Variants in ADGRG6 observed in about 807,000 individuals in gnomAD.
The protein encoded by ADGRG6 is adhesion G protein-coupled receptor G6, also known as G-protein coupled receptor 126.
A neutral mutation model predicts 142.4 loss-of-function variants in ADGRG6; 84 were observed. That is an observed-to-expected ratio of 0.59 (90% CI 0.49 to 0.71). The LOEUF is 0.71. Among genes scored for constraint, ADGRG6 ranks in the 30% least tolerant of loss-of-function variants. The pLI, the probability that ADGRG6 is intolerant of heterozygous loss-of-function variation, is 0.00. For missense variants in ADGRG6, 1,367 were observed against 1,466.6 expected, an observed-to-expected ratio of 0.93 and a Z score of 1.11; for synonymous variants, 521 against 520.5, an observed-to-expected ratio of 1.00 and a Z score of -0.01.
intron 13 of ADGRG6, 90 bp downstream of exon 13, chr6:142,402,920 T>A: frequency 2.9e-6 from 2 of 678,220 alleles, no homozygotes; most frequent in South Asian, 4.3e-5. Flanking sequence ...GTGCCCAGAT[T>A]TCAGAATTCA....
At position 142,328,001 on chromosome 6, in the gene ADGRG6, C is replaced by T. The variant is rs74857746; in HGVS notation, c.103+18357C>T. Among the ~76,000 whole-genome samples the T allele has an allele frequency of 5.4e-3, 814 of 151,992 alleles. 11 individuals are homozygous for T. The highest frequency in any genetic ancestry group is 0.018 in the African/African-American group (743 of 41,438). On this transcript the variant is annotated intron_variant, in intron 2 of 24. Coordinates refer to ENST00000367609, the MANE Select transcript of ADGRG6 (RefSeq NM_198569.3). ...AAAGGCAAAAGAATTATTTTTCCTA[C>T]GTTACAGATAAGGAGACCAAAGTTA...
intron 4 of ADGRG6, among the ~76,000 whole-genome samples, chr6:142,376,033 ATACT>A (rs1167387245): frequency 2.0e-5 from 3 of 152,182 alleles, no homozygotes; most frequent in Non-Finnish European, 4.4e-5. Flanking sequence ...AAACCTGTCA[ATACT>A]TTTAAAAACG....
At chr6:142,338,059 C>T (rs1372166782) in intron 2 of ADGRG6, among the ~76,000 whole-genome samples, 2 of 28,726 alleles carry the variant, frequency 7.0e-5, no homozygotes, top group East Asian at 1.3e-3. Flanking sequence ...CTCGCTCTGT[C>T]ACCCAGGCTG....
chr6:142,397,024 C>T (rs1167449807), intron 9 of ADGRG6, among the ~76,000 whole-genome samples: 3 of 151,918 alleles, frequency 2.0e-5, no homozygotes, highest in Non-Finnish European at 2.9e-5. Flanking sequence ...ATCACAGAGT[C>T]GATTTTAAGT....
At chr6:142,374,900 TATC>T (rs1396517659) in intron 4 of ADGRG6, among the ~76,000 whole-genome samples, 8 of 152,236 alleles carry the variant, frequency 5.3e-5, no homozygotes, top group South Asian at 4.1e-4. Context: ...CTCATATACT[TATC>T]ATTTTATTTG....
chr6:142,322,664 G>A (rs1386108213), intron 2 of ADGRG6, among the ~76,000 whole-genome samples: 1 of 152,066 alleles, frequency 6.6e-6, no homozygotes, highest in Admixed American at 6.6e-5. Flanking sequence ...CCTTGTGCAA[G>A]ACTTACTGAT....
At chr6:142,402,892 C>T in intron 13 of ADGRG6, 62 bp downstream of exon 13, 1 of 852,428 alleles carries the variant, frequency 1.2e-6, no homozygotes, top group Non-Finnish European at 1.8e-6. Context: ...CATGATTTCT[C>T]ACCTATCTGA....
chr6:142,370,231 A>G lies in ADGRG6; in HGVS notation c.507A>G (p.Val169=). 2 of 1,610,818 alleles carry G rather than the reference A, an allele frequency of 1.2e-6. No homozygotes were observed. The change falls in exon 4 of 25, where the codon GTA becomes GTG. Residue 169 remains valine, a synonymous_variant. Coordinates refer to ENST00000367609, the MANE Select transcript of ADGRG6 (RefSeq NM_198569.3). The part of the protein sequence containing the change: ...ILPQTSDAYQ[V]SVAKSISIPE... ...CCCAGACATCAGATGCTTACCAGGTATCTGTTGCAAAAAGCATCTCTATTC... is the reference window on the plus strand; with the variant it reads ...CCCAGACATCAGATGCTTACCAGGTGTCTGTTGCAAAAAGCATCTCTATTC...
intron 2 of ADGRG6, among the ~76,000 whole-genome samples, chr6:142,344,372 T>C (rs763461305): frequency 6.6e-6 from 1 of 151,964 alleles, no homozygotes; most frequent in Non-Finnish European, 1.5e-5. Flanking sequence ...GTATTTGACA[T>C]GAGTTGTAGC....
intron 1 of ADGRG6, among the ~76,000 whole-genome samples, chr6:142,303,956 G>A (rs1336710760): frequency 6.6e-6 from 1 of 151,962 alleles, no homozygotes; most frequent in Non-Finnish European, 1.5e-5. Context: ...TAGAAAATAG[G>A]GCTTGATACC....
At chr6:142,383,540 C>G (rs1781873795) in intron 5 of ADGRG6, among the ~76,000 whole-genome samples, 1 of 152,074 alleles carries the variant, frequency 6.6e-6, no homozygotes, top group Non-Finnish European at 1.5e-5. Context: ...TTGCTCCAGA[C>G]CCTTGTGTAT....
chr6:142,328,927 A>G (rs1778909994), intron 2 of ADGRG6, among the ~76,000 whole-genome samples: 1 of 152,172 alleles, frequency 6.6e-6, no homozygotes, highest in Non-Finnish European at 1.5e-5. Context: ...AGCATTTATA[A>G]TATTTTTCTT....
chr6:142,366,404 A>G (rs970020798), intron 2 of ADGRG6, among the ~76,000 whole-genome samples: 1 of 152,152 alleles, frequency 6.6e-6, no homozygotes. Context: ...CTGCGGTGCT[A>G]TACTCTAGCA....
intron 2 of ADGRG6, among the ~76,000 whole-genome samples, chr6:142,325,961 AAAAC>A (rs1183692079): frequency 6.6e-6 from 1 of 152,066 alleles, no homozygotes; most frequent in Non-Finnish European, 1.5e-5. Flanking sequence ...AGGTAGAAAA[AAAAC>A]CCACCTAAAA....
At chr6:142,330,930 T>C (rs917214015) in intron 2 of ADGRG6, among the ~76,000 whole-genome samples, 4 of 152,076 alleles carry the variant, frequency 2.6e-5, no homozygotes, top group Non-Finnish European at 4.4e-5. Flanking sequence ...TCAGAATTGT[T>C]TCTTTAAAAA....
intron 2 of ADGRG6, among the ~76,000 whole-genome samples, chr6:142,327,307 G>C (rs1000924155): frequency 6.6e-6 from 1 of 151,682 alleles, no homozygotes; most frequent in Non-Finnish European, 1.5e-5. Context: ...GGAACTGGAA[G>C]TACCATAACA....
chr6:142,319,264 A>G (rs1329367516), intron 2 of ADGRG6, among the ~76,000 whole-genome samples: 2 of 152,144 alleles, frequency 1.3e-5, no homozygotes, highest in Non-Finnish European at 2.9e-5. Context: ...TGGTGAATCT[A>G]GATCAGAAAT....
chr6:142,440,169 C>T (rs762498780), intron 24 of ADGRG6, among the ~76,000 whole-genome samples: 17 of 152,008 alleles, frequency 1.1e-4, no homozygotes, highest in South Asian at 4.2e-4. Context: ...CTATAGGATT[C>T]GGGGGAAAAC....
Position 142,408,146 on chromosome 6 carries a change from A to G in ADGRG6, c.2269-4A>G, listed in dbSNP as rs954791458. 1 of 1,554,810 alleles carries G rather than the reference A, an allele frequency of 6.4e-7. No homozygotes were observed. Among genetic ancestry groups the G allele is most frequent in the Admixed American group, 1.9e-5 (1 of 52,022 alleles). On this transcript the variant is annotated splice_polypyrimidine_tract_variant and splice_region_variant and intron_variant, in intron 15 of 24. Transcript: ENST00000367609. The stretch of plus-strand genomic sequence containing the variant: ...GATACACGCGATTTTTTTTTCTTTA[A>G]AAGGATGTAGGACCCCAAAGAAAAA...
Sources: gnomAD v4.1 joint callset for allele counts (sites outside exome capture counted in the v4.1 genomes callset) on GRCh38, gnomAD v4.1.1 for gene constraint, MANE v1.5 for transcripts, NCBI Gene and HGNC (gene_info 2026-07-23, HGNC 2026-07-21) for gene names.